The following ADAMTS12 variants were observed in gnomAD, a reference collection of about 807,000 sequenced individuals.
ADAMTS12 encodes the protein A disintegrin and metalloproteinase with thrombospondin motifs 12.
In ADAMTS12, 118 loss-of-function variants were observed where a neutral mutation model predicts 167.8. That is an observed-to-expected ratio of 0.70 (90% CI 0.61 to 0.82). ADAMTS12 has a LOEUF of 0.82. Ranked by LOEUF, ADAMTS12 falls within the 40% of genes least tolerant of loss-of-function variation. The pLI is 0.00. For synonymous variants in ADAMTS12, 704 were observed against 716.9 expected (o/e 0.98, Z 0.29); for missense variants, 1,916 against 1,998.8 (o/e 0.96, Z 0.79).
At chr5:33,648,699 T>G in intron 9 of ADAMTS12, 123 bp downstream of exon 9, 2 of 1,258,102 alleles carry the variant, frequency 1.6e-6, no homozygotes, top group Admixed American at 2.3e-5. Context: ...ACACCTTGCC[T>G]TAAATATAAA....
chr5:33,808,673 C>T (rs1381513872), intron 2 of ADAMTS12, among the ~76,000 whole-genome samples: 1 of 152,170 alleles, frequency 6.6e-6, no homozygotes, highest in Non-Finnish European at 1.5e-5. Flanking sequence ...TGTCTATTTA[C>T]ATACATTCAT....
chr5:33,852,905 A>C lies in ADAMTS12; in HGVS notation c.489+28214T>G, dbSNP rs529992582. Among the ~76,000 whole-genome samples the C allele has an allele frequency of 3.3e-5, 5 of 152,330 alleles. No homozygotes were observed. In the East Asian group the frequency reaches 7.7e-4, roughly 23 times the overall value. On this transcript the variant is annotated intron_variant, in intron 2 of 23. Transcript: ENST00000504830. ...TGGCTGCAGTTTATGGAGACACACA[A>C]AAAAAACACATGCATACCTTCTCTA...
In ADAMTS12 at chr5:33,634,260, C is replaced by A. The variant is rs558691434; in HGVS notation, c.1888+3317G>T. On this transcript the variant is annotated intron_variant, in intron 12 of 23. Transcript: ENST00000504830. Reference sequence around the variant, plus strand: ...TTCTAAAATCCATTCACAGGCAGGGCTTCGTGGGCATTAGACCGGTGCTTT... The same window carrying A: ...TTCTAAAATCCATTCACAGGCAGGGATTCGTGGGCATTAGACCGGTGCTTT... 2.1e-4 allele frequency among the ~76,000 whole-genome samples: 32 copies of A among 152,236 alleles called. No individual in the cohort carries two copies. In the South Asian group the frequency reaches 5.6e-3, roughly 27 times the overall value.
chr5:33,875,780 T>C (rs1750206396), intron 2 of ADAMTS12, among the ~76,000 whole-genome samples: 1 of 152,144 alleles, frequency 6.6e-6, no homozygotes, highest in African/African-American at 2.4e-5. Flanking sequence ...CCCATTCTTA[T>C]TCAATATAGT....
intron 2 of ADAMTS12, among the ~76,000 whole-genome samples, chr5:33,846,613 T>C (rs1231740529): frequency 2.6e-5 from 4 of 152,168 alleles, no homozygotes; most frequent in African/African-American, 9.7e-5. Flanking sequence ...GAGTGTATCA[T>C]GTGAAGGCTT....
intron 13 of ADAMTS12, among the ~76,000 whole-genome samples, chr5:33,626,720 A>AAT: frequency 1.3e-5 from 1 of 77,556 alleles, no homozygotes; most frequent in Non-Finnish European, 2.8e-5. Flanking sequence ...TAGTGGGGGT[A>AAT]GTGATTTGAT....
At chr5:33,891,509 A>T in intron 1 of ADAMTS12, 1 of 592,564 alleles carries the variant, frequency 1.7e-6, no homozygotes, top group Non-Finnish European at 2.9e-6. Flanking sequence ...TAAAAGAGTG[A>T]GGTACTCACC....
chr5:33,574,354 C>G lies in ADAMTS12; in HGVS notation c.3972+1700G>C, dbSNP rs1355121247. Among the ~76,000 whole-genome samples, 7 of 152,004 alleles carry G rather than the reference C, an allele frequency of 4.6e-5. No individual in the cohort carries two copies. In the East Asian group the frequency reaches 1.4e-3, roughly 29 times the overall value. On this transcript the variant is annotated intron_variant, in intron 19 of 23. Transcript: ENST00000504830. ...AAAGACTTGGAACCAACCCAAATGT[C>G]CAACAATGATAGATCGGATTAAGAA...
chr5:33,755,257 C>T (rs759706688), intron 2 of ADAMTS12, among the ~76,000 whole-genome samples: 14 of 152,266 alleles, frequency 9.2e-5, no homozygotes, highest in Non-Finnish European at 1.5e-4. Context: ...TTACAGTGGG[C>T]GAATTTCCCC....
chr5:33,612,878 T>A (rs561346860), intron 16 of ADAMTS12, among the ~76,000 whole-genome samples: 2 of 152,230 alleles, frequency 1.3e-5, no homozygotes, highest in Non-Finnish European at 2.9e-5. Context: ...AGAGGGTTAG[T>A]TAGCATTGTT....
intron 3 of ADAMTS12, among the ~76,000 whole-genome samples, chr5:33,719,625 G>T (rs964124495): frequency 1.3e-5 from 2 of 152,164 alleles, no homozygotes; most frequent in Non-Finnish European, 2.9e-5. Flanking sequence ...AATCTTAAGG[G>T]GGTTCATCCT....
In ADAMTS12 at chr5:33,746,300, A is replaced by C. The variant is rs138127798; in HGVS notation, c.634+5104T>G. Among the ~76,000 whole-genome samples the C allele has an allele frequency of 3.7e-3, 568 of 152,362 alleles. 10 individuals are homozygous for C. Among genetic ancestry groups the C allele is most frequent in the Admixed American group, 0.028 (425 of 15,302 alleles). On this transcript the variant is annotated intron_variant, in intron 3 of 23. Transcript: ENST00000504830. ...CAACTCACTGGATTTCCATGAAATC[A>C]GAACAAAATTATAAATATCCCCCAA...
chr5:33,812,985 A>T (rs1427694022), intron 2 of ADAMTS12, among the ~76,000 whole-genome samples: 1 of 152,228 alleles, frequency 6.6e-6, no homozygotes, highest in Non-Finnish European at 1.5e-5. Context: ...TGTGAAGGAG[A>T]ATCAAAGCAA....
chr5:33,563,507 C>T (rs541479873), intron 19 of ADAMTS12, among the ~76,000 whole-genome samples: 24 of 152,278 alleles, frequency 1.6e-4, no homozygotes, highest in East Asian at 3.9e-4. Flanking sequence ...GACCCTGTGG[C>T]GACTGACTAA....
At chr5:33,763,937 C>G (rs1429881063) in intron 2 of ADAMTS12, among the ~76,000 whole-genome samples, 1 of 152,062 alleles carries the variant, frequency 6.6e-6, no homozygotes. Context: ...TCAGACTTTT[C>G]ATAGGGAAAC....
At chr5:33,627,187 T>A (rs1468204883) in intron 13 of ADAMTS12, among the ~76,000 whole-genome samples, 3 of 139,712 alleles carry the variant, frequency 2.1e-5, no homozygotes, top group Non-Finnish European at 3.1e-5. Context: ...AGTGATGAGG[T>A]GGTGGTGATG....
intron 3 of ADAMTS12, among the ~76,000 whole-genome samples, chr5:33,747,293 G>A (rs187682164): frequency 1.0e-3 from 152 of 152,282 alleles, no homozygotes; most frequent in Non-Finnish European, 1.8e-3. Flanking sequence ...ACAAGCCATA[G>A]ATTTAGGGCC....
At chr5:33,721,238 GGA>G (rs1392461626) in intron 3 of ADAMTS12, among the ~76,000 whole-genome samples, 4 of 152,142 alleles carry the variant, frequency 2.6e-5, no homozygotes, top group African/African-American at 9.7e-5. Flanking sequence ...AAGAGGCCCC[GGA>G]GAGTCTTCTG....
chr5:33,869,956 C>A (rs1313764715), intron 2 of ADAMTS12, among the ~76,000 whole-genome samples: 1 of 152,170 alleles, frequency 6.6e-6, no homozygotes, highest in Non-Finnish European at 1.5e-5. Context: ...GAGGCCCTCC[C>A]TGGGAATGCA....
Sources: allele counts gnomAD v4.1 joint callset (sites outside exome capture counted in the v4.1 genomes callset), GRCh38; gene constraint gnomAD v4.1.1; transcripts MANE v1.5; gene names NCBI Gene and HGNC (gene_info 2026-07-23, HGNC 2026-07-21).